Variants in KCNN2 observed in about 807,000 individuals in gnomAD.
KCNN2 encodes small conductance calcium-activated potassium channel protein 2.
A neutral mutation model predicts 55.5 loss-of-function variants in KCNN2; 24 were observed. The observed-to-expected ratio is 0.43, with a 90% confidence interval of 0.31 to 0.61. The LOEUF (loss-of-function observed/expected upper bound fraction) is 0.61. Among genes scored for constraint, KCNN2 ranks in the 20% least tolerant of loss-of-function variants. KCNN2 has a pLI of 0.08. For synonymous variants in KCNN2, 431 were observed against 336.1 expected, an observed-to-expected ratio of 1.28 and a Z score of -3.09; for missense variants, 754 against 853.6, an observed-to-expected ratio of 0.88 and a Z score of 1.45.
chr5:114,063,778 A>G (rs1361118773), intron 1 of KCNN2, among the ~76,000 whole-genome samples: 1 of 152,218 alleles, frequency 6.6e-6, no homozygotes, highest in Non-Finnish European at 1.5e-5. Context: ...ACTCAGTCCC[A>G]GACAAACTGG....
chr5:114,474,800 C>G (rs559137744), intron 5 of KCNN2, among the ~76,000 whole-genome samples: 6 of 151,980 alleles, frequency 3.9e-5, no homozygotes, highest in African/African-American at 1.2e-4. Flanking sequence ...TACATTTCCT[C>G]AGGAATTAAG....
In KCNN2 at chr5:114,178,930, A is replaced by C. The variant is rs72797668; in HGVS notation, c.-270-42550A>C. Among the ~76,000 whole-genome samples, 799 of 152,238 alleles carry C rather than the reference A, an allele frequency of 5.2e-3. 8 individuals are homozygous for C. The highest frequency in any genetic ancestry group is 0.015 in the Admixed American group (228 of 15,296). On this transcript the variant is annotated intron_variant, in intron 1 of 10. Coordinates refer to the KCNN2 transcript ENST00000512097. Reference sequence around the variant, plus strand: ...TTCAGTCTTTTCTTAATCTGTTTGTAGTTTAAGAGGGAATATGAATATGGT... The same window carrying C: ...TTCAGTCTTTTCTTAATCTGTTTGTCGTTTAAGAGGGAATATGAATATGGT...
At chr5:114,084,113 C>G (rs1750961836) in intron 1 of KCNN2, among the ~76,000 whole-genome samples, 1 of 151,992 alleles carries the variant, frequency 6.6e-6, no homozygotes, top group African/African-American at 2.4e-5. Flanking sequence ...GTCTTTTTGG[C>G]AAATATGAAT....
At chr5:114,125,439 A>G (rs1751910082) in intron 1 of KCNN2, among the ~76,000 whole-genome samples, 1 of 152,198 alleles carries the variant, frequency 6.6e-6, no homozygotes, top group Non-Finnish European at 1.5e-5. Context: ...ATGGAATAAA[A>G]TGAATTTGTA....
intron 2 of KCNN2, among the ~76,000 whole-genome samples, chr5:114,249,510 T>G (rs1483485265): frequency 6.6e-6 from 1 of 151,882 alleles, no homozygotes; most frequent in Non-Finnish European, 1.5e-5. Flanking sequence ...TGATCTCGAA[T>G]TCCTGACCCC....
chr5:114,192,805 C>T (rs1190743023), intron 1 of KCNN2, among the ~76,000 whole-genome samples: 1 of 152,072 alleles, frequency 6.6e-6, no homozygotes, highest in East Asian at 1.9e-4. Flanking sequence ...TCTGAAGCTA[C>T]GAACTGAGCT....
intron 1 of KCNN2, among the ~76,000 whole-genome samples, chr5:114,086,044 C>G (rs896479032): frequency 1.3e-5 from 2 of 152,074 alleles, no homozygotes; most frequent in Non-Finnish European, 2.9e-5. Flanking sequence ...AGTATAGCAA[C>G]TACAGCTTTT....
intron 1 of KCNN2, among the ~76,000 whole-genome samples, chr5:114,148,704 G>A (rs577697078): frequency 2.6e-4 from 39 of 152,254 alleles, no homozygotes; most frequent in Non-Finnish European, 5.4e-4. Context: ...GGGGGCAATG[G>A]CTTAGTAGAA....
chr5:114,274,057 T>C (rs1419007369), intron 2 of KCNN2, among the ~76,000 whole-genome samples: 1 of 152,246 alleles, frequency 6.6e-6, no homozygotes, highest in Non-Finnish European at 1.5e-5. Flanking sequence ...TTTCTGCATA[T>C]GGCTAGCCAG....
chr5:114,302,687 G>A (rs1438728777), intron 2 of KCNN2, among the ~76,000 whole-genome samples: 1 of 152,148 alleles, frequency 6.6e-6, no homozygotes, highest in East Asian at 1.9e-4. Flanking sequence ...AGAGTTCTGA[G>A]GCAGTTAGAA....
intron 2 of KCNN2, among the ~76,000 whole-genome samples, chr5:114,393,032 C>T (rs886611310): frequency 6.6e-6 from 1 of 152,056 alleles, no homozygotes; most frequent in African/African-American, 2.4e-5. Flanking sequence ...GGAGCCTCCT[C>T]TGATCTCCTC....
At chr5:114,204,939 A>G (rs922684955) in intron 1 of KCNN2, among the ~76,000 whole-genome samples, 1 of 152,244 alleles carries the variant, frequency 6.6e-6, no homozygotes, top group Non-Finnish European at 1.5e-5. Context: ...TAAGAGACTC[A>G]CTTTTCAAAC....
At chr5:114,295,097 G>A (rs1276803289) in intron 2 of KCNN2, among the ~76,000 whole-genome samples, 1 of 152,168 alleles carries the variant, frequency 6.6e-6, no homozygotes, top group Non-Finnish European at 1.5e-5. Context: ...GCCGTGTGAG[G>A]TGTCAGTGTG....
chr5:114,401,147 T>C (rs1758776920), intron 2 of KCNN2, among the ~76,000 whole-genome samples: 1 of 152,100 alleles, frequency 6.6e-6, no homozygotes, highest in African/African-American at 2.4e-5. Context: ...GGGTCAGGAT[T>C]ATGTGGAGAA....
chr5:114,286,084 T>G (rs1300362045), intron 2 of KCNN2, among the ~76,000 whole-genome samples: 1 of 152,142 alleles, frequency 6.6e-6, no homozygotes, highest in Non-Finnish European at 1.5e-5. Flanking sequence ...CATGCCTGGC[T>G]AATTTTGTAT....
Position 114,155,068 on chromosome 5 carries a change from G to A in KCNN2, c.-270-66412G>A, listed in dbSNP as rs908862612. Among the ~76,000 whole-genome samples the A allele has an allele frequency of 5.9e-5, 9 of 151,982 alleles. No homozygotes were observed. In the East Asian group the frequency reaches 7.7e-4, roughly 13 times the overall value. The stretch of plus-strand genomic sequence containing the variant: ...TCCACCCTCAAATAGGCCCCAGTCT[G>A]TGTTGTTCCCATCTAGGTGTCCGTG... On this transcript the variant is annotated intron_variant, in intron 1 of 10. Transcript: ENST00000512097.
At chr5:114,096,129 A>G (rs748801738) in intron 1 of KCNN2, among the ~76,000 whole-genome samples, 35 of 152,002 alleles carry the variant, frequency 2.3e-4, no homozygotes, top group Non-Finnish European at 4.7e-4. Flanking sequence ...AGTCAAATAG[A>G]TTTGTATTCA....
At chr5:114,322,609 A>C (rs1246518596) in intron 2 of KCNN2, among the ~76,000 whole-genome samples, 18 of 152,062 alleles carry the variant, frequency 1.2e-4, no homozygotes, top group African/African-American at 4.1e-4. Context: ...ACACACATAC[A>C]CACTTGATTC....
chr5:114,175,699 T>G (rs2112547629), intron 1 of KCNN2, among the ~76,000 whole-genome samples: 1 of 152,250 alleles, frequency 6.6e-6, no homozygotes, highest in Non-Finnish European at 1.5e-5. Context: ...TGCACAAAAA[T>G]TCAGGTAATA....
Sources: gnomAD v4.1 joint callset for allele counts (sites outside exome capture counted in the v4.1 genomes callset) on GRCh38, gnomAD v4.1.1 for gene constraint, MANE v1.5 for transcripts, NCBI Gene and HGNC (gene_info 2026-07-23, HGNC 2026-07-21) for gene names.